HNRNPA1: variants seen among roughly 807,000 people sequenced by gnomAD.
The protein encoded by HNRNPA1 is heterogeneous nuclear ribonucleoprotein A1.
In HNRNPA1, 7 loss-of-function variants were observed where a neutral mutation model predicts 44.4. The observed-to-expected ratio is 0.16, with a 90% CI of 0.09 to 0.30. HNRNPA1 has a LOEUF of 0.30. HNRNPA1 is among the 10% of genes least tolerant of loss of function. The pLI is 1.00. For synonymous variants in HNRNPA1, 169 were observed against 160.6 expected, an observed-to-expected ratio of 1.05 and a Z score of -0.40; for missense variants, 193 against 465.8, an observed-to-expected ratio of 0.41 and a Z score of 5.39.
In HNRNPA1 at chr12:54,282,837, T is replaced by C; in HGVS notation, c.714T>C (p.Gly238=). The C allele has an allele frequency of 1.3e-6, 2 of 1,551,648 alleles. No homozygotes were observed. The highest frequency in any genetic ancestry group is 8.7e-7 in the Non-Finnish European group (1 of 1,147,000). ...FGGSRGGGGY[G]GSGDGYNGFG... is the part of the protein sequence containing the mutation. ...GCAGCCGTGGTGGTGGTGGATATGGTGGCAGTGGGGATGGCTATAATGGAT... is the reference window on the plus strand; with the variant it reads ...GCAGCCGTGGTGGTGGTGGATATGGCGGCAGTGGGGATGGCTATAATGGAT... The change falls in exon 7 of 11, where the codon GGT becomes GGC. Residue 238 remains glycine (G), a synonymous_variant. Coordinates refer to ENST00000340913, the MANE Select transcript of HNRNPA1 (RefSeq NM_031157.4).
chr12:54,283,259 T>A, intron 8 of HNRNPA1, 25 bp downstream of exon 8: 2 of 1,608,618 alleles, frequency 1.2e-6, no homozygotes, highest in South Asian at 2.2e-5. Context: ...ATCCAAGTAC[T>A]TGGTGTGACA....
chr12:54,283,011 C>CGTT, intron 7 of HNRNPA1, 68 bp from the exon 8 acceptor site: 1 of 1,563,450 alleles, frequency 6.4e-7, no homozygotes. Context: ...GGCCTTCAGC[C>CGTT]GTTACACTTG....
chr12:54,283,774 C>T (rs375168015), intron 8 of HNRNPA1, 38 bp from the exon 9 acceptor site: 6 of 1,595,234 alleles, frequency 3.8e-6, no homozygotes, highest in East Asian at 4.5e-5. Context: ...TAACATCATC[C>T]TCAGGTAACA....
Position 54,280,762 on chromosome 12 carries a change from A to T in HNRNPA1, c.-46A>T. On this transcript the variant is annotated 5_prime_UTR_variant, in exon 1 of 11. Transcript: ENST00000340913. ...TCAGCTTGCTCCTTTCTGCCCGTGG[A>T]CGCCGCCGAAGAAGCATCGTTAAAG... 1 of 1,613,436 alleles carries T rather than the reference A, an allele frequency of 6.2e-7. No individual in the cohort carries two copies. Among genetic ancestry groups the T allele is most frequent in the African/African-American group, 1.3e-5 (1 of 75,012 alleles).
chr12:54,282,348 G>T, intron 4 of HNRNPA1, 46 bp from the exon 5 acceptor site: 1 of 1,610,124 alleles, frequency 6.2e-7, no homozygotes, highest in Non-Finnish European at 8.5e-7. Context: ...AATCTGTATG[G>T]CATTCTAAAC....
intron 10 of HNRNPA1, 74 bp downstream of exon 10, chr12:54,284,391 G>A (rs926866372): frequency 8.1e-7 from 1 of 1,239,978 alleles, no homozygotes; most frequent in African/African-American, 1.5e-5. Context: ...TAATGTAGCT[G>A]AGCAGTGCAA....
Position 54,286,215 on chromosome 12 carries a change from G to A in HNRNPA1, c.*1671G>A, listed in dbSNP as rs1198488452. The A allele has an allele frequency of 6.6e-6, 1 of 152,142 alleles. No individual in the cohort carries two copies. Among genetic ancestry groups the A allele is most frequent in the Non-Finnish European group, 1.5e-5 (1 of 68,040 alleles). The allele number at this position is 152,142 out of a possible 1,614,324, so 9.4% of individuals were successfully genotyped here. ...TCATCGCAAGGAAGGAGGCAGACAA[G>A]AGTAAGGCACACCTGACTCTTAGGA... On this transcript the variant is annotated 3_prime_UTR_variant, in exon 11 of 11. Transcript: ENST00000340913.
rs1245108958 is a variant in HNRNPA1 at position 54,285,450 on chromosome 12, G to A, written c.*906G>A. ...GGCCTTTTAAAAATAACTAATATCA[G>A]AAAGCATTTTAATGAACGTAAAGAT... On this transcript the variant is annotated 3_prime_UTR_variant, in exon 11 of 11. Transcript: ENST00000340913. 2 of 152,142 alleles carry A rather than the reference G, an allele frequency of 1.3e-5. No homozygotes were observed. Among genetic ancestry groups the A allele is most frequent in the East Asian group, 3.8e-4 (2 of 5,202 alleles). The allele number at this position is 152,142 out of a possible 1,614,324, so 9.4% of individuals were successfully genotyped here.
Position 54,281,493 on chromosome 12 carries a change from G to T in HNRNPA1, c.123G>T (p.Thr41=). 6.2e-7 allele frequency: 1 copy of T among 1,605,872 alleles called. No homozygotes were observed. The highest frequency in any genetic ancestry group is 8.5e-7 in the Non-Finnish European group (1 of 1,174,040). The stretch of plus-strand genomic sequence containing the variant: ...ATTTTGAGCAATGGGGAACGCTCAC[G>T]GACTGTGTGGTAAGATTTGGAAGGG... ...RSHFEQWGTL[T]DCVVMRDPNT... Residue 41 remains threonine, a synonymous_variant, in exon 2 of 11, where the codon ACG becomes ACT. Transcript: ENST00000340913.
At chr12:54,284,446 T>C (rs548076577) in intron 10 of HNRNPA1, 103 bp from the exon 11 acceptor site, 249 of 929,814 alleles carry the variant, frequency 2.7e-4, no homozygotes, top group Non-Finnish European at 3.8e-4. Flanking sequence ...ATAAAGTTAA[T>C]ATTCAGATCA....
At position 54,284,833 on chromosome 12, in the gene HNRNPA1, C is replaced by G. The variant is rs2137046314; in HGVS notation, c.*289C>G. On this transcript the variant is annotated 3_prime_UTR_variant, in exon 11 of 11. Coordinates refer to ENST00000340913, the MANE Select transcript of HNRNPA1 (RefSeq NM_031157.4). ...TTTTTGCACCCCATGCTGTTGATTG[C>G]TAAATGTAACAGTCTGATCGTGACG... 1 of 337,576 alleles carries G rather than the reference C, an allele frequency of 3.0e-6. No homozygotes were observed. The highest frequency in any genetic ancestry group is 5.8e-6 in the Non-Finnish European group (1 of 171,888). 20.9% of individuals were successfully genotyped at this position (337,576 alleles called of 1,614,324 possible). A position where few individuals can be genotyped will look rare whatever the true frequency, so the allele number is the denominator to read the frequency against.
Position 54,283,246 on chromosome 12 carries a change from G to T in HNRNPA1, c.907+12G>T. ...TGGCGGTGGTAGTGGTAGGTATCCA[G>T]TGATCCAAGTACTTGGTGTGACAGC... On this transcript the variant is annotated intron_variant, in intron 8 of 10. Coordinates refer to ENST00000340913, the MANE Select transcript of HNRNPA1 (RefSeq NM_031157.4). The T allele has an allele frequency of 6.2e-7, 1 of 1,610,544 alleles. No individual in the cohort carries two copies. The highest frequency in any genetic ancestry group is 8.5e-7 in the Non-Finnish European group (1 of 1,178,422).
chr12:54,281,080 T>C, intron 1 of HNRNPA1: 1 of 702,988 alleles, frequency 1.4e-6, no homozygotes, highest in Non-Finnish European at 2.6e-6. Flanking sequence ...TTGTCTTTTT[T>C]TAAACCTTGC....
chr12:54,281,597 CATT>C (rs2137041277), intron 2 of HNRNPA1, 95 bp downstream of exon 2: 3 of 1,023,688 alleles, frequency 2.9e-6, no homozygotes, highest in Non-Finnish European at 4.5e-6. Flanking sequence ...TAGTTAATAG[CATT>C]ATAGTTAGAG....
chr12:54,283,728 CT>C (rs1944217316), intron 8 of HNRNPA1, 83 bp from the exon 9 acceptor site: 1 of 1,360,022 alleles, frequency 7.4e-7, no homozygotes, highest in Non-Finnish European at 1.1e-6. Flanking sequence ...ATAACTCAAC[CT>C]TATTTTATTC....
At chr12:54,282,517 G>A in intron 5 of HNRNPA1, 31 bp downstream of exon 5, 4 of 1,609,256 alleles carry the variant, frequency 2.5e-6, no homozygotes, top group Non-Finnish European at 3.4e-6. Context: ...AACCTTAAAG[G>A]TAACTTTGAG....
At chr12:54,281,668 G>A in intron 2 of HNRNPA1, 127 bp from the exon 3 acceptor site, 2 of 1,088,710 alleles carry the variant, frequency 1.8e-6, no homozygotes, top group East Asian at 2.5e-5. Context: ...TAAATCTAGG[G>A]TAGTGGGAAA....
chr12:54,284,011 G>A, intron 9 of HNRNPA1, 44 bp downstream of exon 9: 4 of 1,595,002 alleles, frequency 2.5e-6, no homozygotes, highest in East Asian at 2.2e-5. Flanking sequence ...AAGAGTGTCT[G>A]TAGCTACTGC....
intron 1 of HNRNPA1, chr12:54,281,056 G>A (rs769513044): frequency 1.4e-6 from 1 of 706,232 alleles, no homozygotes; most frequent in Admixed American, 2.0e-5. Flanking sequence ...AAAATTCTTA[G>A]GCACACAGGA....
Sources: allele counts gnomAD v4.1 joint callset, GRCh38; gene constraint gnomAD v4.1.1; transcripts MANE v1.5; gene names NCBI Gene and HGNC (gene_info 2026-07-23, HGNC 2026-07-21).